The following AGBL1 variants were observed in gnomAD, a reference collection of about 807,000 sequenced individuals.
AGBL1 encodes the protein cytosolic carboxypeptidase 4.
In AGBL1, 130 loss-of-function variants were observed where a neutral mutation model predicts 118.9. The ratio of observed to expected loss-of-function variants is 1.09; its 90% confidence interval spans 0.95 to 1.26. The LOEUF is 1.26. Ranked by LOEUF, AGBL1 falls within the 50% of genes most tolerant of loss-of-function variation. AGBL1 has a pLI of 0.00. For missense variants in AGBL1, 1,584 were observed against 1,298.1 expected (o/e 1.22, Z -3.38); for synonymous variants, 555 against 478.9 (o/e 1.16, Z -2.08).
In AGBL1 at chr15:86,269,915, G is replaced by A. The variant is rs770132485; in HGVS notation, c.1839-4G>A. ...AACCCTCCAGTCTTGCTTCTGATCTGCAGGTTCGAGTATGACTTGCTGGTC... is the reference window on the plus strand; with the variant it reads ...AACCCTCCAGTCTTGCTTCTGATCTACAGGTTCGAGTATGACTTGCTGGTC... On this transcript the variant is annotated splice_polypyrimidine_tract_variant and splice_region_variant and intron_variant, in intron 13 of 22. Transcript: ENST00000614907. The A allele has an allele frequency of 3.7e-6, 6 of 1,613,238 alleles. No homozygotes were observed. Among genetic ancestry groups the A allele is most frequent in the Middle Eastern group, 1.6e-4 (1 of 6,062 alleles).
intron 18 of AGBL1, among the ~76,000 whole-genome samples, chr15:86,439,814 T>A (rs2082039925): frequency 6.6e-6 from 1 of 152,164 alleles, no homozygotes; most frequent in African/African-American, 2.4e-5. Context: ...CAGGCCTCAG[T>A]CGCTCAAACA....
At chr15:86,183,290 T>G (rs542897218) in intron 5 of AGBL1, among the ~76,000 whole-genome samples, 1 of 152,324 alleles carries the variant, frequency 6.6e-6, no homozygotes, top group Admixed American at 6.5e-5. Flanking sequence ...TTTTTGACTC[T>G]ATGACATATC....
Position 86,689,723 on chromosome 15 carries a change from C to T in AGBL1, c.3158+15287C>T, listed in dbSNP as rs192040312. The stretch of plus-strand genomic sequence containing the variant: ...AAAAAATTAGCTGTAACTATAGAAA[C>T]GATTGTCCCTTCCTGTATAATGTGA... On this transcript the variant is annotated intron_variant, in intron 22 of 22. Coordinates refer to ENST00000614907, the MANE Select transcript of AGBL1 (RefSeq NM_001386094.1). 3.1e-4 allele frequency among the ~76,000 whole-genome samples: 47 copies of T among 152,068 alleles called. 1 individual carries two copies. The highest frequency in any genetic ancestry group is 9.6e-4 in the African/African-American group (40 of 41,494).
chr15:86,949,585 TAAAGAA>T (rs893676039), intron 23 of AGBL1, among the ~76,000 whole-genome samples: 8 of 151,758 alleles, frequency 5.3e-5, no homozygotes, highest in East Asian at 1.9e-4. Context: ...AAAATACTGC[TAAAGAA>T]AAAGAAAGGG....
chr15:86,901,023 ATTC>A (rs1000959153), intron 22 of AGBL1, among the ~76,000 whole-genome samples: 2 of 152,100 alleles, frequency 1.3e-5, no homozygotes, highest in African/African-American at 4.8e-5. Context: ...TAATCCCCAT[ATTC>A]TTCATTTATA....
At chr15:86,596,364 T>C (rs770399222) in intron 21 of AGBL1, among the ~76,000 whole-genome samples, 20 of 152,270 alleles carry the variant, frequency 1.3e-4, no homozygotes, top group Non-Finnish European at 2.8e-4. Flanking sequence ...TGTTCCTCAC[T>C]GGGGGTTGGA....
intron 22 of AGBL1, among the ~76,000 whole-genome samples, chr15:86,763,601 A>G (rs889164130): frequency 2.0e-5 from 3 of 151,872 alleles, no homozygotes; most frequent in African/African-American, 7.2e-5. Context: ...TGTTCCTTTT[A>G]TGTTGAAGGA....
intron 21 of AGBL1, among the ~76,000 whole-genome samples, chr15:86,622,599 AG>A (rs772326065): frequency 3.3e-5 from 5 of 152,138 alleles, no homozygotes; most frequent in Non-Finnish European, 5.9e-5. Flanking sequence ...ACCTTTGGGA[AG>A]GTAACATTTA....
At chr15:86,123,262 CAG>C (rs765275198) in intron 1 of AGBL1, among the ~76,000 whole-genome samples, 1 of 152,120 alleles carries the variant, frequency 6.6e-6, no homozygotes, top group South Asian at 2.1e-4. Flanking sequence ...CGTTTTGAGA[CAG>C]AGTCTTGCTC....
At chr15:86,288,877 T>G (rs1056869532) in intron 16 of AGBL1, among the ~76,000 whole-genome samples, 12 of 152,302 alleles carry the variant, frequency 7.9e-5, no homozygotes, top group African/African-American at 2.9e-4. Context: ...ATTATTTGAT[T>G]CTTAAGATTT....
At chr15:86,980,634 C>T (rs1280903372) in intron 23 of AGBL1, among the ~76,000 whole-genome samples, 2 of 152,058 alleles carry the variant, frequency 1.3e-5, no homozygotes, top group East Asian at 3.9e-4. Context: ...CTTCATTTGT[C>T]TCAAAAATGG....
chr15:86,218,332 C>A (rs997962956), intron 5 of AGBL1, among the ~76,000 whole-genome samples: 1 of 152,064 alleles, frequency 6.6e-6, no homozygotes, highest in Non-Finnish European at 1.5e-5. Flanking sequence ...TATTTCCACT[C>A]TCTGAAAAGG....
At chr15:86,098,489 A>G (rs574454155) in intron 1 of AGBL1, among the ~76,000 whole-genome samples, 6 of 152,256 alleles carry the variant, frequency 3.9e-5, no homozygotes, top group African/African-American at 1.4e-4. Flanking sequence ...TGATTTTTAT[A>G]CATGCTGAGA....
intron 22 of AGBL1, among the ~76,000 whole-genome samples, chr15:86,741,476 G>GAAAGA (rs1240786357): frequency 2.3e-5 from 3 of 131,026 alleles, no homozygotes; most frequent in Non-Finnish European, 4.7e-5. Context: ...TGAATGATTA[G>GAAAGA]AAAGAAAATA....
intron 22 of AGBL1, among the ~76,000 whole-genome samples, chr15:86,790,488 C>T (rs1410869123): frequency 6.6e-6 from 1 of 152,162 alleles, no homozygotes; most frequent in African/African-American, 2.4e-5. Context: ...GCTTGGTGGG[C>T]ATCACTATAG....
intron 6 of AGBL1, among the ~76,000 whole-genome samples, chr15:86,244,553 T>G (rs1189499490): frequency 6.6e-6 from 1 of 152,142 alleles, no homozygotes; most frequent in African/African-American, 2.4e-5. Flanking sequence ...CTATTTTAAA[T>G]GTTAGTAAAC....
chr15:86,527,493 G>A lies in AGBL1; in HGVS notation c.2685+4554G>A, dbSNP rs116217474. Reference sequence around the variant, plus strand: ...ACAGTGTTACAAAGCTCTCTAATGGGCTCAACATCACCTTTTAGTTACCTA... The same window carrying A: ...ACAGTGTTACAAAGCTCTCTAATGGACTCAACATCACCTTTTAGTTACCTA... On this transcript the variant is annotated intron_variant, in intron 19 of 22. Transcript: ENST00000614907. Among the ~76,000 whole-genome samples, 1,421 of 152,210 alleles carry A rather than the reference G, an allele frequency of 9.3e-3. 21 individuals carry two copies. The highest frequency in any genetic ancestry group is 0.031 in the African/African-American group (1,274 of 41,522).
intron 22 of AGBL1, among the ~76,000 whole-genome samples, chr15:86,706,923 G>C (rs2086459609): frequency 6.6e-6 from 1 of 152,024 alleles, no homozygotes. Flanking sequence ...ATTTTCCTAT[G>C]GAGAGTAAAA....
At chr15:87,017,118 G>C (rs1437051550) in intron 24 of AGBL1, among the ~76,000 whole-genome samples, 1 of 152,128 alleles carries the variant, frequency 6.6e-6, no homozygotes, top group Non-Finnish European at 1.5e-5. Context: ...AGTGGCAACA[G>C]GCTGGAGTCT....
Sources: gnomAD v4.1 joint callset for allele counts (sites outside exome capture counted in the v4.1 genomes callset) on GRCh38, gnomAD v4.1.1 for gene constraint, MANE v1.5 for transcripts, NCBI Gene and HGNC (gene_info 2026-07-23, HGNC 2026-07-21) for gene names.